The following RBFOX1 variants were observed in gnomAD, a reference collection of about 807,000 sequenced individuals.
RBFOX1 encodes the protein RNA binding protein fox-1 homolog 1.
A neutral mutation model predicts 57.7 loss-of-function variants in RBFOX1; 8 were observed. The observed-to-expected ratio is 0.14, with a 90% CI of 0.08 to 0.25. The LOEUF (loss-of-function observed/expected upper bound fraction) is 0.25, where lower values mean the gene tolerates loss of function less well. Ranked by LOEUF, RBFOX1 falls within the 10% of genes least tolerant of loss-of-function variation. The probability of loss-of-function intolerance (pLI) is 1.00; values close to 1 mark genes in which losing one functional copy is unlikely to be tolerated. For synonymous variants in RBFOX1, 326 were observed against 222.4 expected, an observed-to-expected ratio of 1.47 and a Z score of -4.15; for missense variants, 611 against 548.5, an observed-to-expected ratio of 1.11 and a Z score of -1.14.
intron 3 of RBFOX1, among the ~76,000 whole-genome samples, chr16:6,738,883 A>G (rs1394847038): frequency 1.3e-5 from 2 of 152,236 alleles, no homozygotes; most frequent in Non-Finnish European, 2.9e-5. Flanking sequence ...CTTCTCAGTA[A>G]TCCATGAGTT....
At chr16:6,151,326 C>G (rs1281619243) in intron 1 of RBFOX1, among the ~76,000 whole-genome samples, 2 of 152,166 alleles carry the variant, frequency 1.3e-5, no homozygotes, top group African/African-American at 4.8e-5. Context: ...CACTCTGTCA[C>G]CCAGGCTGGA....
At chr16:5,525,489 C>CTTTTTTT (rs1216671998) in intron 2 of RBFOX1, among the ~76,000 whole-genome samples, 1 of 99,442 alleles carries the variant, frequency 1.0e-5, no homozygotes, top group African/African-American at 4.2e-5. Context: ...AGAGCCGACA[C>CTTTTTTT]TATTTTTTTT....
At chr16:7,402,053 G>T (rs915129708) in intron 4 of RBFOX1, among the ~76,000 whole-genome samples, 1 of 152,044 alleles carries the variant, frequency 6.6e-6, no homozygotes, top group African/African-American at 2.4e-5. Flanking sequence ...ATATTTTAAT[G>T]ATGCAGAGTG....
chr16:5,811,684 C>T (rs931338842), intron 3 of RBFOX1, among the ~76,000 whole-genome samples: 2 of 151,422 alleles, frequency 1.3e-5, no homozygotes, highest in African/African-American at 2.4e-5. Flanking sequence ...CTCCTGACTT[C>T]GTGGTCTGCC....
chr16:6,529,827 A>G (rs1457163607), intron 2 of RBFOX1, among the ~76,000 whole-genome samples: 1 of 152,102 alleles, frequency 6.6e-6, no homozygotes, highest in Non-Finnish European at 1.5e-5. Context: ...TAACATTTTT[A>G]TTAAATATTA....
intron 2 of RBFOX1, among the ~76,000 whole-genome samples, chr16:5,520,382 T>A (rs1474731089): frequency 6.6e-6 from 1 of 152,038 alleles, no homozygotes; most frequent in African/African-American, 2.4e-5. Context: ...AGAGGCAGAG[T>A]GGTACAGCTG....
intron 4 of RBFOX1, among the ~76,000 whole-genome samples, chr16:5,926,990 C>T (rs1294822454): frequency 2.0e-5 from 3 of 152,114 alleles, no homozygotes; most frequent in African/African-American, 4.8e-5. Context: ...GCCATCAAAC[C>T]AGTGTCCCAA....
chr16:6,875,763 G>A (rs776537519), intron 3 of RBFOX1, among the ~76,000 whole-genome samples: 26 of 152,270 alleles, frequency 1.7e-4, no homozygotes, highest in Non-Finnish European at 3.8e-4. Flanking sequence ...GCAGCACTTT[G>A]GGAGGCCATG....
chr16:5,938,054 T>C (rs983243647), intron 4 of RBFOX1, among the ~76,000 whole-genome samples: 1 of 152,206 alleles, frequency 6.6e-6, no homozygotes, highest in Admixed American at 6.5e-5. Flanking sequence ...ACATGAGTAT[T>C]TATTTTTTGC....
chr16:6,561,613 C>T (rs2097180126), intron 2 of RBFOX1, among the ~76,000 whole-genome samples: 1 of 152,210 alleles, frequency 6.6e-6, no homozygotes, highest in African/African-American at 2.4e-5. Flanking sequence ...GAGGAAAATT[C>T]AATTCAGTTG....
intron 2 of RBFOX1, among the ~76,000 whole-genome samples, chr16:6,553,512 C>G (rs903085733): frequency 6.6e-6 from 1 of 152,212 alleles, no homozygotes; most frequent in East Asian, 1.9e-4. Flanking sequence ...CACACAAGTA[C>G]ATGCACCTCA....
At chr16:5,857,643 C>G (rs1439539488) in intron 3 of RBFOX1, among the ~76,000 whole-genome samples, 2 of 152,082 alleles carry the variant, frequency 1.3e-5, no homozygotes, top group Non-Finnish European at 2.9e-5. Context: ...AGGTTGTTAC[C>G]TATTTTTTCC....
At chr16:7,566,238 C>T (rs2091660110) in intron 5 of RBFOX1, among the ~76,000 whole-genome samples, 3 of 152,124 alleles carry the variant, frequency 2.0e-5, no homozygotes, top group African/African-American at 7.2e-5. Context: ...TAGTTCAAAC[C>T]ACACAGCTGA....
chr16:7,708,243 C>G (rs543894380), intron 14 of RBFOX1, among the ~76,000 whole-genome samples: 13 of 150,374 alleles, frequency 8.6e-5, no homozygotes, highest in East Asian at 5.8e-4. Flanking sequence ...CACTTGATTC[C>G]TTTAAAAAAA....
chr16:6,388,215 C>G (rs1219973177), intron 2 of RBFOX1, among the ~76,000 whole-genome samples: 4 of 151,952 alleles, frequency 2.6e-5, no homozygotes, highest in East Asian at 3.9e-4. Context: ...ATCCACCAAC[C>G]TCGGCCTCCC....
At chr16:5,769,314 C>T (rs544160317) in intron 3 of RBFOX1, among the ~76,000 whole-genome samples, 1 of 151,858 alleles carries the variant, frequency 6.6e-6, no homozygotes, top group East Asian at 1.9e-4. Flanking sequence ...TTAGGGTGGG[C>T]CCTAATCCAG....
chr16:7,295,718 C>T (rs1203411617), intron 4 of RBFOX1, among the ~76,000 whole-genome samples: 4 of 152,218 alleles, frequency 2.6e-5, no homozygotes, highest in African/African-American at 9.6e-5. Context: ...GTGTTTGAGG[C>T]ATACCCACAT....
At chr16:6,712,217 G>A (rs1008324789) in intron 3 of RBFOX1, among the ~76,000 whole-genome samples, 9 of 152,144 alleles carry the variant, frequency 5.9e-5, no homozygotes, top group African/African-American at 2.2e-4. Context: ...GCTATGGTCA[G>A]CAAGGTTAAA....
intron 2 of RBFOX1, among the ~76,000 whole-genome samples, chr16:6,642,988 C>T (rs571302548): frequency 1.1e-4 from 17 of 152,272 alleles, no homozygotes; most frequent in African/African-American, 3.6e-4. Flanking sequence ...CGTGAGTCAT[C>T]TTCATATTTA....
Sources: gnomAD v4.1 joint callset for allele counts (sites outside exome capture counted in the v4.1 genomes callset) on GRCh38, gnomAD v4.1.1 for gene constraint, MANE v1.5 for transcripts, NCBI Gene and HGNC (gene_info 2026-07-23, HGNC 2026-07-21) for gene names.